Variants in PARD3B observed in about 807,000 individuals in gnomAD.
PARD3B encodes partitioning defective 3 homolog B.
Under a neutral mutation model 130.2 loss-of-function variants are expected in PARD3B, and 103 were observed. The observed-to-expected ratio is 0.79, with a 90% confidence interval of 0.67 to 0.93. The LOEUF (loss-of-function observed/expected upper bound fraction) is 0.93, where lower values mean the gene tolerates loss of function less well. Among genes scored for constraint, PARD3B ranks in the 40% least tolerant of loss-of-function variants. The pLI is 0.00. For synonymous variants in PARD3B, 583 were observed against 553.2 expected, an observed-to-expected ratio of 1.05 and a Z score of -0.76; for missense variants, 1,609 against 1,499.2, an observed-to-expected ratio of 1.07 and a Z score of -1.21.
intron 4 of PARD3B, among the ~76,000 whole-genome samples, chr2:205,067,095 C>CTTTTTT (rs10672449): frequency 0.012 from 737 of 59,558 alleles, 118 homozygotes; most frequent in Non-Finnish European, 0.019. Context: ...TTTTACTAGG[C>CTTTTTT]TTTTTTTTTT....
At chr2:204,709,771 G>A (rs1274947511) in intron 2 of PARD3B, among the ~76,000 whole-genome samples, 1 of 152,180 alleles carries the variant, frequency 6.6e-6, no homozygotes, top group Admixed American at 6.5e-5. Context: ...GAATACTGTG[G>A]TGTTATAGGC....
chr2:204,989,453 GA>G (rs1158787552), intron 3 of PARD3B, among the ~76,000 whole-genome samples: 2 of 152,126 alleles, frequency 1.3e-5, no homozygotes, highest in East Asian at 3.9e-4. Flanking sequence ...TATTGAATTT[GA>G]GAGTTTTCTA....
intron 4 of PARD3B, among the ~76,000 whole-genome samples, chr2:205,050,726 T>A (rs79211329): frequency 1.3e-5 from 2 of 151,834 alleles, no homozygotes; most frequent in South Asian, 4.1e-4. Context: ...TTTTTTTTTT[T>A]ACATGGCTAT....
At chr2:205,310,296 C>T (rs539106246) in intron 18 of PARD3B, among the ~76,000 whole-genome samples, 1 of 151,962 alleles carries the variant, frequency 6.6e-6, no homozygotes, top group Admixed American at 6.6e-5. Context: ...ACCATGTTAG[C>T]CAGGATGGTC....
intron 2 of PARD3B, among the ~76,000 whole-genome samples, chr2:204,839,889 G>A (rs539217139): frequency 1.2e-4 from 18 of 152,144 alleles, no homozygotes; most frequent in Admixed American, 8.5e-4. Context: ...AGGTTTCTGC[G>A]GCTTTTAATG....
chr2:204,972,097 C>T (rs1691768456), intron 3 of PARD3B, among the ~76,000 whole-genome samples: 2 of 152,038 alleles, frequency 1.3e-5, no homozygotes, highest in South Asian at 4.2e-4. Flanking sequence ...AAAGTCAATA[C>T]CTAAAGACAA....
At chr2:205,311,655 G>C (rs1046436382) in intron 18 of PARD3B, among the ~76,000 whole-genome samples, 2 of 152,136 alleles carry the variant, frequency 1.3e-5, no homozygotes, top group Admixed American at 6.5e-5. Context: ...CTATTCTCTA[G>C]CCTAGCATAA....
intron 2 of PARD3B, among the ~76,000 whole-genome samples, chr2:204,854,819 A>T (rs2044855224): frequency 6.6e-6 from 1 of 152,172 alleles, no homozygotes; most frequent in African/African-American, 2.4e-5. Context: ...CCTGGGGTTC[A>T]TCACTGCGCG....
intron 10 of PARD3B, among the ~76,000 whole-genome samples, chr2:205,145,331 A>G (rs2033275810): frequency 6.6e-6 from 1 of 151,872 alleles, no homozygotes; most frequent in Admixed American, 6.6e-5. Flanking sequence ...GCCCCCGCAA[A>G]AAAAAAAGAG....
chr2:204,935,670 A>C (rs968734461), intron 2 of PARD3B, among the ~76,000 whole-genome samples: 1 of 152,104 alleles, frequency 6.6e-6, no homozygotes, highest in African/African-American at 2.4e-5. Flanking sequence ...TTTGTCAAGT[A>C]TATCATGTGT....
rs2034844635 is a variant in PARD3B, at chr2:205,166,772, C to G, written c.1621-5439C>G. On this transcript the variant is annotated intron_variant, in intron 11 of 22. Coordinates refer to ENST00000406610, the MANE Select transcript of PARD3B (RefSeq NM_001302769.2). ...ATTCTCTCCCTGAATCAGGTGCCAT[C>G]TTGCCTGGGGTCCAGCCCTATTCCA... Among the ~76,000 whole-genome samples the G allele has an allele frequency of 2.6e-5, 4 of 152,282 alleles. No homozygotes were observed. The South Asian group carries it at 6.2e-4, about 24-fold the overall frequency.
intron 4 of PARD3B, among the ~76,000 whole-genome samples, chr2:205,061,088 T>C (rs1700037771): frequency 6.6e-6 from 1 of 152,140 alleles, no homozygotes; most frequent in African/African-American, 2.4e-5. Flanking sequence ...GGTACCTTAC[T>C]GGAAGCTGGG....
At chr2:204,730,674 A>G (rs2039471461) in intron 2 of PARD3B, among the ~76,000 whole-genome samples, 2 of 152,182 alleles carry the variant, frequency 1.3e-5, no homozygotes, top group South Asian at 4.1e-4. Flanking sequence ...CGGAGAATAA[A>G]GGATGCAATC....
At chr2:204,979,091 A>G (rs1692445663) in intron 3 of PARD3B, among the ~76,000 whole-genome samples, 1 of 151,820 alleles carries the variant, frequency 6.6e-6, no homozygotes, top group Non-Finnish European at 1.5e-5. Flanking sequence ...CTTTAGTCCC[A>G]CCTACTTGGG....
At chr2:204,709,919 G>A (rs1475421188) in intron 2 of PARD3B, among the ~76,000 whole-genome samples, 1 of 152,130 alleles carries the variant, frequency 6.6e-6, no homozygotes, top group Non-Finnish European at 1.5e-5. Flanking sequence ...AATGGTTAGT[G>A]CATTTTTAAA....
intron 20 of PARD3B, among the ~76,000 whole-genome samples, chr2:205,494,314 C>T (rs1575160008): frequency 6.6e-6 from 1 of 152,166 alleles, no homozygotes; most frequent in East Asian, 1.9e-4. Flanking sequence ...TCCCAGGTCC[C>T]ACAGTGGCCA....
chr2:204,974,161 C>T lies in PARD3B; in HGVS notation c.394+8838C>T, dbSNP rs1691940985. Among the ~76,000 whole-genome samples, 3 of 152,176 alleles carry T rather than the reference C, an allele frequency of 2.0e-5. No homozygotes were observed. In the South Asian group the frequency reaches 6.2e-4, roughly 31 times the overall value. ...TAAATATGAGACTGTCTGCCAGATT[C>T]TTCAAACATCTTTACAGATGGAAGA... is the stretch of plus-strand genomic sequence containing the variant. On this transcript the variant is annotated intron_variant, in intron 3 of 22. Transcript: ENST00000406610.
chr2:205,176,588 A>C lies in PARD3B; in HGVS notation c.1924+11A>C, dbSNP rs751099086. 6.3e-7 allele frequency: 1 copy of C among 1,588,788 alleles called. No individual in the cohort carries two copies. The highest frequency in any genetic ancestry group is 2.3e-5 in the East Asian group (1 of 44,162). ...AAGACAAACAGAAAGGTAAGAGTCT[A>C]TTCATTTTATCCACTGCAAATGGAG... On this transcript the variant is annotated intron_variant, in intron 13 of 22. Coordinates refer to ENST00000406610, the MANE Select transcript of PARD3B (RefSeq NM_001302769.2). The surrounding 1 kb of genome is among the most constrained non-coding windows in gnomAD (Gnocchi z 5.3).
intron 18 of PARD3B, among the ~76,000 whole-genome samples, chr2:205,304,805 C>A (rs985439115): frequency 6.6e-6 from 1 of 151,996 alleles, no homozygotes; most frequent in Non-Finnish European, 1.5e-5. Context: ...ATTAGCTGGG[C>A]ATGGTGGCAT....
Sources: gnomAD v4.1 joint callset for allele counts (sites outside exome capture counted in the v4.1 genomes callset) on GRCh38, gnomAD v4.1.1 for gene constraint, Gnocchi (gnomAD v3.1) non-coding constraint, MANE v1.5 for transcripts, NCBI Gene and HGNC (gene_info 2026-07-23, HGNC 2026-07-21) for gene names.